The following DTNA variants were observed in gnomAD, a reference collection of about 807,000 sequenced individuals.
The protein encoded by DTNA is dystrobrevin alpha.
Under a neutral mutation model 100.7 loss-of-function variants are expected in DTNA, and 43 were observed. The observed-to-expected ratio is 0.43, with a 90% CI of 0.33 to 0.55. DTNA has a LOEUF of 0.55. Among genes scored for constraint, DTNA ranks in the 20% least tolerant of loss-of-function variants. DTNA has a pLI of 0.04. For missense variants in DTNA, 798 were observed against 953.9 expected (o/e 0.84, Z 2.15); for synonymous variants, 349 against 347.9 (o/e 1.00, Z -0.04).
intron 3 of DTNA, among the ~76,000 whole-genome samples, chr18:34,786,133 TC>T (rs1202567688): frequency 5.3e-5 from 8 of 152,224 alleles, no homozygotes; most frequent in Non-Finnish European, 1.2e-4. Context: ...AATGAAACTT[TC>T]CATTTGAGAG....
chr18:34,842,067 A>T (rs1334804431), intron 13 of DTNA, among the ~76,000 whole-genome samples: 2 of 152,136 alleles, frequency 1.3e-5, no homozygotes, highest in South Asian at 2.1e-4. Flanking sequence ...AGGAGTCTGA[A>T]ATGTGATACA....
chr18:34,650,932 C>T (rs1431346660), intron 1 of DTNA, among the ~76,000 whole-genome samples: 3 of 152,090 alleles, frequency 2.0e-5, no homozygotes, highest in South Asian at 2.1e-4. Context: ...TTTCTATTTT[C>T]AACCCAATCC....
chr18:34,756,288 A>G (rs2092764215), intron 2 of DTNA, among the ~76,000 whole-genome samples: 1 of 152,184 alleles, frequency 6.6e-6, no homozygotes, highest in Non-Finnish European at 1.5e-5. Flanking sequence ...AGATTTATAT[A>G]TTTACATTCA....
intron 20 of DTNA, among the ~76,000 whole-genome samples, chr18:34,881,020 C>T (rs1427348154): frequency 6.6e-6 from 1 of 152,078 alleles, no homozygotes; most frequent in Non-Finnish European, 1.5e-5. Context: ...ATCTGCTAGC[C>T]CTGGTATGCT....
At position 34,890,461 on chromosome 18, in the gene DTNA, A is replaced by G. The variant is rs1187531438; in HGVS notation, c.*2727A>G. 1 of 1,536,008 alleles carries G rather than the reference A, an allele frequency of 6.5e-7. No individual in the cohort carries two copies. The highest frequency in any genetic ancestry group is 2.4e-5 in the East Asian group (1 of 40,904). ...TCTAAGTGCAAACCCAGCAAGTTTC[A>G]CTTGTCCTGTCCATTAGATACAACT... On this transcript the variant is annotated 3_prime_UTR_variant, in exon 23 of 23. Transcript: ENST00000444659.
At chr18:34,699,140 C>A (rs2081021409) in intron 1 of DTNA, among the ~76,000 whole-genome samples, 1 of 151,148 alleles carries the variant, frequency 6.6e-6, no homozygotes, top group Admixed American at 6.6e-5. Flanking sequence ...AGAAACAGAA[C>A]CAATATGTAC....
At chr18:34,504,725 G>A (rs2040315403) in intron 1 of DTNA, among the ~76,000 whole-genome samples, 1 of 152,058 alleles carries the variant, frequency 6.6e-6, no homozygotes, top group Non-Finnish European at 1.5e-5. Context: ...TTCTTCTTTG[G>A]TAAAGTAGCA....
At chr18:34,553,132 T>C (rs2045632359) in intron 1 of DTNA, among the ~76,000 whole-genome samples, 1 of 150,386 alleles carries the variant, frequency 6.6e-6, no homozygotes, top group Admixed American at 6.6e-5. Flanking sequence ...TGGCCAGTGA[T>C]GATGAGCATT....
intron 17 of DTNA, chr18:34,868,648 A>T (rs1026373751): frequency 1.0e-6 from 1 of 985,330 alleles, no homozygotes; most frequent in African/African-American, 1.7e-5. Flanking sequence ...GTAGTGTTTT[A>T]TTATACTGGC....
chr18:34,747,371 G>A (rs1384252640), intron 1 of DTNA, among the ~76,000 whole-genome samples: 1 of 151,758 alleles, frequency 6.6e-6, no homozygotes, highest in Non-Finnish European at 1.5e-5. Context: ...TAGTTTTGGG[G>A]GCTATAGGTG....
chr18:34,668,678 T>C (rs1282927685), intron 1 of DTNA, among the ~76,000 whole-genome samples: 3 of 152,226 alleles, frequency 2.0e-5, no homozygotes. Context: ...TTCTTTTCTT[T>C]ATGTACCCAG....
At chr18:34,723,403 C>T (rs189117293) in intron 1 of DTNA, among the ~76,000 whole-genome samples, 145 of 151,964 alleles carry the variant, frequency 9.5e-4, no homozygotes, top group African/African-American at 3.1e-3. Flanking sequence ...TATACATAGA[C>T]GGTATATTTG....
At chr18:34,629,472 T>A (rs1599297114) in intron 1 of DTNA, among the ~76,000 whole-genome samples, 1 of 152,190 alleles carries the variant, frequency 6.6e-6, no homozygotes, top group South Asian at 2.1e-4. Flanking sequence ...CTAATGAATA[T>A]GGTACTTTCA....
chr18:34,638,340 A>G (rs1487536092), intron 1 of DTNA, among the ~76,000 whole-genome samples: 2 of 152,246 alleles, frequency 1.3e-5, no homozygotes, highest in Admixed American at 6.5e-5. Flanking sequence ...TACTCCTCAC[A>G]GCAATCTGTG....
intron 1 of DTNA, among the ~76,000 whole-genome samples, chr18:34,697,261 T>A (rs77275697): frequency 0.036 from 5,450 of 152,274 alleles, 311 homozygotes; most frequent in African/African-American, 0.12. Context: ...AAGGTTAACT[T>A]GCTCAAGGCC....
chr18:34,630,297 G>A (rs1001093884), intron 1 of DTNA, among the ~76,000 whole-genome samples: 3 of 151,964 alleles, frequency 2.0e-5, no homozygotes, highest in Non-Finnish European at 2.9e-5. Context: ...GCAGCCCACC[G>A]CCCAGCCACA....
At chr18:34,835,813 T>C (rs1216755344) in intron 11 of DTNA, among the ~76,000 whole-genome samples, 1 of 152,272 alleles carries the variant, frequency 6.6e-6, no homozygotes, top group Admixed American at 6.5e-5. Flanking sequence ...TTTTCTCTAC[T>C]GATTCTTGCT....
chr18:34,605,518 C>T (rs908529143), intron 1 of DTNA, among the ~76,000 whole-genome samples: 1 of 152,130 alleles, frequency 6.6e-6, no homozygotes, highest in Non-Finnish European at 1.5e-5. Flanking sequence ...TACTGGTAAT[C>T]TGATGACAAG....
intron 17 of DTNA, chr18:34,867,167 T>C (rs193107858): frequency 1.6e-6 from 2 of 1,231,398 alleles, no homozygotes; most frequent in East Asian, 6.3e-5. Flanking sequence ...TCAACGTATC[T>C]TTCATTTCTT....
Sources: allele counts gnomAD v4.1 joint callset (sites outside exome capture counted in the v4.1 genomes callset), GRCh38; gene constraint gnomAD v4.1.1; transcripts MANE v1.5; gene names NCBI Gene and HGNC (gene_info 2026-07-23, HGNC 2026-07-21).